MARCHF1: variants seen among roughly 807,000 people sequenced by gnomAD.
The protein encoded by MARCHF1 is membrane associated ring-CH-type finger 1.
MARCHF1 carries 40 observed loss-of-function variants against 54.2 expected under a neutral mutation model. That is an observed-to-expected ratio of 0.74 (90% CI 0.57 to 0.96). MARCHF1 has a LOEUF of 0.96. Among genes scored for constraint, MARCHF1 ranks in the 40% least tolerant of loss-of-function variants. MARCHF1 has a pLI of 0.00. For synonymous variants in MARCHF1, 236 were observed against 236.3 expected (o/e 1.00, Z 0.01); for missense variants, 586 against 656.5 (o/e 0.89, Z 1.17).
intron 5 of MARCHF1, among the ~76,000 whole-genome samples, chr4:163,692,194 G>T (rs931739103): frequency 6.6e-6 from 1 of 152,200 alleles, no homozygotes. Flanking sequence ...ACATATATTT[G>T]TTGAGTGTGT....
chr4:164,112,176 A>G (rs1405535650), intron 1 of MARCHF1, among the ~76,000 whole-genome samples: 3 of 151,886 alleles, frequency 2.0e-5, no homozygotes, highest in Non-Finnish European at 4.4e-5. Context: ...CAACAGCTTC[A>G]CTTTTGGATC....
In MARCHF1 at chr4:163,842,449, C is replaced by G. The variant is rs528306598; in HGVS notation, c.111+11572G>C. 2.0e-5 allele frequency among the ~76,000 whole-genome samples: 3 copies of G among 152,014 alleles called. No homozygotes were observed. In the East Asian group the frequency reaches 5.8e-4, roughly 29 times the overall value. On this transcript the variant is annotated intron_variant, in intron 4 of 9. Transcript: ENST00000514618. ...TAGTTAAATATGAATTTAAATTAAG[C>G]TTATTTTTTAATGAAGTCAATATTT...
chr4:163,975,931 C>A (rs28690845), intron 3 of MARCHF1, among the ~76,000 whole-genome samples: 3 of 152,030 alleles, frequency 2.0e-5, no homozygotes, highest in African/African-American at 7.2e-5. Flanking sequence ...AGAGTCAGTA[C>A]AAAATGAAAG....
intron 8 of MARCHF1, among the ~76,000 whole-genome samples, chr4:163,569,765 A>G (rs965893): frequency 0.42 from 63,144 of 151,978 alleles, 13,586 homozygotes; most frequent in East Asian, 0.54. Context: ...ATTACTTTGT[A>G]AGAGAAGTCT....
At chr4:164,008,082 C>T (rs1753336052) in intron 2 of MARCHF1, among the ~76,000 whole-genome samples, 1 of 152,050 alleles carries the variant, frequency 6.6e-6, no homozygotes, top group African/African-American at 2.4e-5. Context: ...ATGTTTCATT[C>T]AGGAAACACA....
chr4:163,888,903 A>G (rs1017933870), intron 3 of MARCHF1, among the ~76,000 whole-genome samples: 1 of 152,152 alleles, frequency 6.6e-6, no homozygotes, highest in Non-Finnish European at 1.5e-5. Flanking sequence ...ATACTTTACT[A>G]GATGCTGAGG....
At chr4:163,751,108 G>A (rs2110779426) in intron 4 of MARCHF1, among the ~76,000 whole-genome samples, 1 of 151,624 alleles carries the variant, frequency 6.6e-6, no homozygotes, top group African/African-American at 2.4e-5. Flanking sequence ...TAAAGAACAC[G>A]ACAGAGGTGT....
intron 4 of MARCHF1, among the ~76,000 whole-genome samples, chr4:163,812,619 G>T (rs553481966): frequency 6.6e-6 from 1 of 152,066 alleles, no homozygotes; most frequent in East Asian, 1.9e-4. Context: ...TTAGTCAGGC[G>T]TGGTGGTGCA....
intron 3 of MARCHF1, among the ~76,000 whole-genome samples, chr4:163,892,492 T>G (rs571168462): frequency 6.6e-6 from 1 of 151,716 alleles, no homozygotes; most frequent in Non-Finnish European, 1.5e-5. Context: ...CCTTCTAGAG[T>G]TGTCATCAGG....
chr4:164,205,218 T>A (rs1195483100), intron 1 of MARCHF1, among the ~76,000 whole-genome samples: 1 of 152,204 alleles, frequency 6.6e-6, no homozygotes, highest in Admixed American at 6.5e-5. Context: ...TGTATAATGA[T>A]CACATTCTGC....
At chr4:164,113,097 T>C (rs1755868983) in intron 1 of MARCHF1, among the ~76,000 whole-genome samples, 1 of 151,920 alleles carries the variant, frequency 6.6e-6, no homozygotes, top group African/African-American at 2.4e-5. Flanking sequence ...TTTTGCTTAT[T>C]TAAGTTGAAT....
At chr4:163,567,107 A>C (rs116657938) in intron 8 of MARCHF1, among the ~76,000 whole-genome samples, 1,583 of 152,268 alleles carry the variant, frequency 0.01, 27 homozygotes, top group African/African-American at 0.036. Context: ...CATTTTCTGC[A>C]CGTGTATCCC....
At chr4:163,584,768 A>G (rs1560956623) in intron 8 of MARCHF1, 1 of 152,072 alleles carries the variant, frequency 6.6e-6, no homozygotes. Flanking sequence ...TTGCATTTCA[A>G]CTCTGCTCAT....
intron 1 of MARCHF1, among the ~76,000 whole-genome samples, chr4:164,295,254 C>G (rs1734380404): frequency 6.6e-6 from 1 of 152,136 alleles, no homozygotes; most frequent in Admixed American, 6.6e-5. Flanking sequence ...TAATGTTTTT[C>G]TCCTGGCACA....
In MARCHF1 at chr4:163,817,378, T is replaced by C. The variant is rs1290659900; in HGVS notation, c.111+36643A>G. ...ATATACATACATACATATACATACA[T>C]ATATACACATGCATATATACACATA... is the stretch of plus-strand genomic sequence containing the variant. On this transcript the variant is annotated intron_variant, in intron 4 of 9. Coordinates refer to ENST00000514618, the MANE Select transcript of MARCHF1 (RefSeq NM_001394959.1). 2.7e-5 allele frequency among the ~76,000 whole-genome samples: 4 copies of C among 149,294 alleles called. No individual in the cohort carries two copies. The South Asian group carries it at 8.3e-4, about 31-fold the overall frequency.
At chr4:163,797,325 C>T (rs932893093) in intron 4 of MARCHF1, among the ~76,000 whole-genome samples, 6 of 129,742 alleles carry the variant, frequency 4.6e-5, no homozygotes, top group South Asian at 2.9e-4. Context: ...CAGTGTGATA[C>T]GGTGTGTATG....
intron 2 of MARCHF1, among the ~76,000 whole-genome samples, chr4:164,040,212 AT>A (rs1429914703): frequency 2.8e-5 from 4 of 144,456 alleles, no homozygotes; most frequent in Admixed American, 1.4e-4. Flanking sequence ...TTGTATATAT[AT>A]TTATACTATA....
chr4:164,199,272 A>G (rs1731370616), intron 1 of MARCHF1, among the ~76,000 whole-genome samples: 1 of 152,216 alleles, frequency 6.6e-6, no homozygotes, highest in Non-Finnish European at 1.5e-5. Context: ...TATAGCTTAT[A>G]CAATAAACTT....
At chr4:164,092,492 G>A (rs887851818) in intron 2 of MARCHF1, among the ~76,000 whole-genome samples, 2 of 152,078 alleles carry the variant, frequency 1.3e-5, no homozygotes, top group Admixed American at 1.3e-4. Context: ...AACGGGATGT[G>A]ATATATATAA....
Sources: gnomAD v4.1 joint callset for allele counts (sites outside exome capture counted in the v4.1 genomes callset) on GRCh38, gnomAD v4.1.1 for gene constraint, MANE v1.5 for transcripts, NCBI Gene and HGNC (gene_info 2026-07-23, HGNC 2026-07-21) for gene names.